The following ARHGAP42 variants were observed in gnomAD, a reference collection of about 807,000 sequenced individuals.
The protein encoded by ARHGAP42 is Rho GTPase activating protein 42.
A neutral mutation model predicts 125.0 loss-of-function variants in ARHGAP42; 63 were observed. The observed-to-expected ratio is 0.50, with a 90% CI of 0.41 to 0.62. The LOEUF (loss-of-function observed/expected upper bound fraction) is 0.62, where lower values mean the gene tolerates loss of function less well. Among genes scored for constraint, ARHGAP42 ranks in the 20% least tolerant of loss-of-function variants. The pLI is 0.00. For missense variants in ARHGAP42, 766 were observed against 1,024.2 expected (o/e 0.75, Z 3.44); for synonymous variants, 339 against 351.0 (o/e 0.97, Z 0.38).
rs1234299144 is a variant in ARHGAP42 at position 100,936,053 on chromosome 11, G to T, written c.703-150G>T. 1.1e-5 allele frequency: 10 copies of T among 909,136 alleles called. No homozygotes were observed. In the East Asian group the frequency reaches 2.5e-4, roughly 23 times the overall value. 56.3% of individuals were successfully genotyped at this position (909,136 alleles called of 1,614,324 possible). The stretch of plus-strand genomic sequence containing the variant: ...CAGGAGGATCACTTGTGCCCTGGAG[G>T]TCAAGGCTGCAGTGAGCCATAATTG... On this transcript the variant is annotated intron_variant, in intron 7 of 23. Coordinates refer to ENST00000298815, the MANE Select transcript of ARHGAP42 (RefSeq NM_152432.4).
intron 3 of ARHGAP42, among the ~76,000 whole-genome samples, chr11:100,835,475 G>A (rs1390711826): frequency 6.6e-6 from 1 of 151,996 alleles, no homozygotes; most frequent in Non-Finnish European, 1.5e-5. Flanking sequence ...ATACTGCCTA[G>A]CATTGTAACT....
intron 4 of ARHGAP42, among the ~76,000 whole-genome samples, chr11:100,866,556 G>A (rs1302319902): frequency 6.6e-6 from 1 of 152,158 alleles, no homozygotes; most frequent in Non-Finnish European, 1.5e-5. Context: ...CCATGTACAG[G>A]AAACATGGTT....
intron 1 of ARHGAP42, among the ~76,000 whole-genome samples, chr11:100,694,755 G>A (rs189525714): frequency 1.6e-4 from 24 of 152,326 alleles, no homozygotes; most frequent in African/African-American, 5.5e-4. Context: ...GAGGCCAGGC[G>A]TGGTGGCTCA....
intron 1 of ARHGAP42, among the ~76,000 whole-genome samples, chr11:100,720,357 A>T (rs190048983): frequency 3.3e-4 from 50 of 152,340 alleles, no homozygotes; most frequent in African/African-American, 8.4e-4. Context: ...ATTGTTGATA[A>T]TGTTGGAAAA....
At chr11:100,712,579 G>C (rs1004313608) in intron 1 of ARHGAP42, among the ~76,000 whole-genome samples, 12 of 152,150 alleles carry the variant, frequency 7.9e-5, no homozygotes, top group African/African-American at 2.4e-5. Context: ...AGTGGCAGGT[G>C]GTGGGAGGGA....
At chr11:100,941,087 A>G (rs1867872907) in intron 8 of ARHGAP42, among the ~76,000 whole-genome samples, 1 of 152,150 alleles carries the variant, frequency 6.6e-6, no homozygotes, top group African/African-American at 2.4e-5. Flanking sequence ...GCCTGAAGGG[A>G]GGTAACAGTG....
intron 1 of ARHGAP42, among the ~76,000 whole-genome samples, chr11:100,742,952 A>G (rs1175426978): frequency 1.3e-5 from 2 of 152,146 alleles, no homozygotes; most frequent in African/African-American, 4.8e-5. Flanking sequence ...TTGGATTTAT[A>G]TGAATCCTTA....
intron 12 of ARHGAP42, among the ~76,000 whole-genome samples, chr11:100,959,548 T>A (rs1291926046): frequency 6.6e-6 from 1 of 152,070 alleles, no homozygotes; most frequent in African/African-American, 2.4e-5. Flanking sequence ...CAAGTTTCAA[T>A]ACATAATAAG....
At chr11:100,784,553 T>C (rs1406734219) in intron 2 of ARHGAP42, among the ~76,000 whole-genome samples, 1 of 152,164 alleles carries the variant, frequency 6.6e-6, no homozygotes, top group Non-Finnish European at 1.5e-5. Flanking sequence ...TCCTCACTCA[T>C]GCTACTAGGA....
At chr11:100,841,443 TATAACACTTTTA>T (rs1864945153) in intron 3 of ARHGAP42, among the ~76,000 whole-genome samples, 2 of 152,152 alleles carry the variant, frequency 1.3e-5, no homozygotes, top group Non-Finnish European at 2.9e-5. Context: ...ACCTCAGAAG[TATAACACTTTTA>T]TGAATAGCAA....
intron 4 of ARHGAP42, among the ~76,000 whole-genome samples, chr11:100,869,351 T>A (rs1461334077): frequency 6.6e-6 from 1 of 151,838 alleles, no homozygotes; most frequent in Non-Finnish European, 1.5e-5. Context: ...CTTAATTCAA[T>A]AATCTGGGCA....
At chr11:100,729,913 C>T (rs751372629) in intron 1 of ARHGAP42, among the ~76,000 whole-genome samples, 2 of 150,388 alleles carry the variant, frequency 1.3e-5, no homozygotes, top group African/African-American at 4.9e-5. Flanking sequence ...TAAGTTTAAG[C>T]GATTCTCCTG....
intron 3 of ARHGAP42, among the ~76,000 whole-genome samples, chr11:100,818,441 A>G (rs963757630): frequency 6.6e-6 from 1 of 152,180 alleles, no homozygotes; most frequent in Non-Finnish European, 1.5e-5. Flanking sequence ...AGTTCAGAGG[A>G]GGGAGGAGTT....
chr11:100,734,787 T>C (rs1862031164), intron 1 of ARHGAP42, among the ~76,000 whole-genome samples: 1 of 152,196 alleles, frequency 6.6e-6, no homozygotes, highest in Admixed American at 6.5e-5. Flanking sequence ...GAAACAGATG[T>C]GGTGGCAGAA....
chr11:100,708,702 A>G (rs1039775041), intron 1 of ARHGAP42, among the ~76,000 whole-genome samples: 5 of 152,092 alleles, frequency 3.3e-5, no homozygotes, highest in Non-Finnish European at 7.4e-5. Context: ...TTAACCTCCC[A>G]TGTTCACATG....
chr11:100,750,721 G>A lies in ARHGAP42; in HGVS notation c.155-19622G>A, dbSNP rs148263270. On this transcript the variant is annotated intron_variant, in intron 1 of 23. Coordinates refer to ENST00000298815, the MANE Select transcript of ARHGAP42 (RefSeq NM_152432.4). ...GTCAGGGTGGAGAATGAGTCAGGGCGGAGCAGGTAGTCGGAATGAGTCAGG... is the reference window on the plus strand; with the variant it reads ...GTCAGGGTGGAGAATGAGTCAGGGCAGAGCAGGTAGTCGGAATGAGTCAGG... Among the ~76,000 whole-genome samples, 16 of 145,802 alleles carry A rather than the reference G, an allele frequency of 1.1e-4. No individual in the cohort carries two copies. The East Asian group carries it at 2.0e-3, about 18-fold the overall frequency.
At chr11:100,782,696 T>C (rs973188242) in intron 2 of ARHGAP42, among the ~76,000 whole-genome samples, 1 of 152,202 alleles carries the variant, frequency 6.6e-6, no homozygotes, top group African/African-American at 2.4e-5. Context: ...TGGAGTAATT[T>C]CTTTGTCAAG....
intron 3 of ARHGAP42, among the ~76,000 whole-genome samples, chr11:100,799,091 C>T (rs2155140): frequency 0.49 from 74,747 of 151,878 alleles, 19,393 homozygotes; most frequent in South Asian, 0.63. Flanking sequence ...CAGGGCTACA[C>T]CTAGAAGTTT....
intron 1 of ARHGAP42, among the ~76,000 whole-genome samples, chr11:100,736,916 TAGA>T (rs1862080336): frequency 6.6e-6 from 1 of 152,176 alleles, no homozygotes; most frequent in Non-Finnish European, 1.5e-5. Context: ...ACACCAGGGA[TAGA>T]AGAACAAGGT....
Sources: allele counts gnomAD v4.1 joint callset (sites outside exome capture counted in the v4.1 genomes callset), GRCh38; gene constraint gnomAD v4.1.1; transcripts MANE v1.5; gene names NCBI Gene and HGNC (gene_info 2026-07-23, HGNC 2026-07-21).